The following GPR162 variants were observed in gnomAD, a reference collection of about 807,000 sequenced individuals.
GPR162 encodes the protein G protein-coupled receptor 162, also known as probable G protein-coupled receptor 162.
In GPR162, 26 loss-of-function variants were observed where a neutral mutation model predicts 44.9. The observed-to-expected ratio is 0.58, with a 90% CI of 0.42 to 0.80. GPR162 has a LOEUF of 0.80. Ranked by LOEUF, GPR162 falls within the 30% of genes least tolerant of loss-of-function variation. The pLI is 0.00. For synonymous variants in GPR162, 363 were observed against 335.2 expected, an observed-to-expected ratio of 1.08 and a Z score of -0.91; for missense variants, 704 against 802.3, an observed-to-expected ratio of 0.88 and a Z score of 1.48.
chr12:6,826,738 C>A lies in GPR162; in HGVS notation c.1301C>A (p.Ser434Ter). The change falls in exon 5 of 5, where the codon TCA becomes TAA. Residue 434 changes from serine to a stop codon, truncating the protein, a stop_gained. Coordinates refer to ENST00000311268, the MANE Select transcript of GPR162 (RefSeq NM_019858.2). LOFTEE classifies it high-confidence loss of function. ...REPGSFLHKW[S>*]SSDDIRVLPA... ...CCAGGCTCCTTCCTGCACAAGTGGT[C>A]ATCCTCTGATGACATCCGGGTCCTC... The A allele has an allele frequency of 6.3e-7, 1 of 1,590,198 alleles. No individual in the cohort carries two copies. The highest frequency in any genetic ancestry group is 1.1e-5 in the South Asian group (1 of 87,634).
Position 6,824,307 on chromosome 12 carries a change from G to A in GPR162, c.409G>A (p.Ala137Thr). 6.2e-7 allele frequency: 1 copy of A among 1,614,054 alleles called. No homozygotes were observed. Among genetic ancestry groups the A allele is most frequent in the Non-Finnish European group, 8.5e-7 (1 of 1,179,960 alleles). ...CAACGCCAAGAAGCAGGCACTGCAT[G>A]CCGTCATGGGCATCTGGATGGTCAG... Reference protein sequence around the residue: ...LSNAKKQALHAVMGIWMVSFI... With the variant: ...LSNAKKQALHTVMGIWMVSFI... The change falls in exon 2 of 5, where the codon GCC becomes ACC. Residue 137 changes from alanine to threonine, a missense_variant. Coordinates refer to ENST00000311268, the MANE Select transcript of GPR162 (RefSeq NM_019858.2).
At chr12:6,825,743 G>C in intron 3 of GPR162, 70 bp downstream of exon 3, 2 of 1,363,728 alleles carry the variant, frequency 1.5e-6, no homozygotes, top group Non-Finnish European at 2.0e-6. Flanking sequence ...CTCCTTCTCA[G>C]CCAGAGGATG....
At chr12:6,824,829 C>G in intron 2 of GPR162, 64 bp downstream of exon 2, 2 of 1,314,506 alleles carry the variant, frequency 1.5e-6, no homozygotes, top group South Asian at 1.2e-5. Flanking sequence ...ATCACCTGAC[C>G]TCCAACTTCA....
rs1943329379 is a variant in GPR162, at chr12:6,824,721, G to A, written c.823G>A (p.Ala275Thr). 6.2e-7 allele frequency: 1 copy of A among 1,613,816 alleles called. No individual in the cohort carries two copies. Among genetic ancestry groups the A allele is most frequent in the Non-Finnish European group, 8.5e-7 (1 of 1,180,002 alleles). The stretch of plus-strand genomic sequence containing the variant: ...CCTGCAGGTCACCAACTTGGTCAGC[G>A]CCATCGTCTTTCTCTATGACTCACT... ...TSLQVTNLVS[A>T]IVFLYDSLTG... The change falls in exon 2 of 5, where the codon GCC becomes ACC. Residue 275 changes from alanine to threonine, a missense_variant. Physicochemically the swap from Ala to Thr is moderately conservative, Grantham distance 58 (BLOSUM62 0). Coordinates refer to ENST00000311268, the MANE Select transcript of GPR162 (RefSeq NM_019858.2).
chr12:6,826,941 C>A lies in GPR162; in HGVS notation c.1504C>A (p.Arg502=), dbSNP rs782687439. The A allele has an allele frequency of 6.2e-7, 1 of 1,613,316 alleles. No homozygotes were observed. The highest frequency in any genetic ancestry group is 1.3e-5 in the African/African-American group (1 of 75,048). Residue 502 remains arginine (R), a synonymous_variant, in exon 5 of 5, where the codon CGG becomes AGG. Coordinates refer to ENST00000311268, the MANE Select transcript of GPR162 (RefSeq NM_019858.2). The part of the protein sequence containing the change: ...GGPPRGPGFF[R]EEITTFIDET... Reference sequence around the variant, plus strand: ...ACCCCCACGGGGTCCTGGCTTCTTCCGGGAGGAGATCACCACCTTCATCGA... The same window carrying A: ...ACCCCCACGGGGTCCTGGCTTCTTCAGGGAGGAGATCACCACCTTCATCGA...
intron 3 of GPR162, among the ~76,000 whole-genome samples, 158 bp downstream of exon 3, chr12:6,825,831 G>T (rs1555119961): frequency 6.6e-6 from 1 of 152,148 alleles, no homozygotes; most frequent in Non-Finnish European, 1.5e-5. Flanking sequence ...GCACCCTGCT[G>T]TCCACTCACT....
At chr12:6,823,279 T>G (rs781964543) in intron 1 of GPR162, among the ~76,000 whole-genome samples, 189 bp from the exon 2 acceptor site, 15 of 151,950 alleles carry the variant, frequency 9.9e-5, no homozygotes. Flanking sequence ...TCTGGAAGAG[T>G]GCGGCTCTCA....
At chr12:6,825,455 T>G (rs1943341679) in intron 2 of GPR162, 29 bp from the exon 3 acceptor site, 1 of 1,532,094 alleles carries the variant, frequency 6.5e-7, no homozygotes, top group African/African-American at 1.4e-5. Flanking sequence ...GCTCTGGCCC[T>G]GACCCAGCCC....
chr12:6,825,055 T>C (rs1555119808), intron 2 of GPR162: 10 of 626,932 alleles, frequency 1.6e-5, no homozygotes, highest in Non-Finnish European at 5.9e-6. Flanking sequence ...AGCTCCGTCA[T>C]CCATCCTGCA....
At position 6,822,052 on chromosome 12, in the gene GPR162, C is replaced by T. The variant is rs945914023; in HGVS notation, c.-432+152C>T. Reference sequence around the variant, plus strand: ...GGGACAGGAGGGAGGAGCCGCCTGACCTTACCCCTTCACCCCAAAGGGCGA... The same window carrying T: ...GGGACAGGAGGGAGGAGCCGCCTGATCTTACCCCTTCACCCCAAAGGGCGA... On this transcript the variant is annotated intron_variant, in intron 1 of 4. Transcript: ENST00000311268. This position sits in a 1 kb window ranked among gnomAD's most constrained non-coding sequence, Gnocchi z 4.2. 6.6e-6 allele frequency among the ~76,000 whole-genome samples: 1 copy of T among 152,172 alleles called. No homozygotes were observed. Among genetic ancestry groups the T allele is most frequent in the South Asian group, 2.1e-4 (1 of 4,830 alleles).
intron 4 of GPR162, 113 bp from the exon 5 acceptor site, chr12:6,826,540 G>A: frequency 8.6e-7 from 1 of 1,160,382 alleles, no homozygotes; most frequent in East Asian, 2.4e-5. Context: ...GCCCACCGGA[G>A]CAAACGTTTT....
rs1943355402 is a variant in GPR162 at position 6,826,320 on chromosome 12, C to T, written c.1182C>T (p.Leu394=). The T allele has an allele frequency of 1.2e-6, 2 of 1,613,568 alleles. No individual in the cohort carries two copies. Among genetic ancestry groups the T allele is most frequent in the Admixed American group, 1.7e-5 (1 of 60,000 alleles). ...AGCTGCTGCCTGGAAGGCACATGCT[C>T]TTCCCTCCTCTTGAGAGAGTCCACT... The part of the protein sequence containing the change: ...QVKLLPGRHM[L]FPPLERVHYL... Residue 394 remains leucine, a synonymous_variant, in exon 4 of 5, where the codon CTC becomes CTT. Transcript: ENST00000311268.
Position 6,826,776 on chromosome 12 carries a change from C to T in GPR162, c.1339C>T (p.Arg447Trp), listed in dbSNP as rs782490981. 51 of 1,608,726 alleles carry T rather than the reference C, an allele frequency of 3.2e-5. No individual in the cohort carries two copies. The highest frequency in any genetic ancestry group is 5.5e-5 in the South Asian group (5 of 90,352). ...DDIRVLPAQS[R>W]ALGGPPEYLG... The stretch of plus-strand genomic sequence containing the variant: ...CATCCGGGTCCTCCCAGCCCAGAGC[C>T]GGGCCCTCGGGGGTCCTCCTGAGTA... The change falls in exon 5 of 5, where the codon CGG (arginine) becomes TGG (tryptophan). Residue 447 changes from arginine to tryptophan, a missense_variant. Transcript: ENST00000311268.
Position 6,825,548 on chromosome 12 carries a change from GGT to G in GPR162, c.934_935del (p.Cys312LeufsTer35). On this transcript the variant is annotated frameshift_variant, in exon 3 of 5. Coordinates refer to ENST00000311268, the MANE Select transcript of GPR162 (RefSeq NM_019858.2). LOFTEE classifies it high-confidence loss of function. ...CCCTGGATGGTGCTGGCTGTGCTGT[GGT>G]GCTCCATGGCACAGACGCTGCTGCT... 6.2e-7 allele frequency: 1 copy of G among 1,611,650 alleles called. No homozygotes were observed. The highest frequency in any genetic ancestry group is 8.5e-7 in the Non-Finnish European group (1 of 1,179,064).
Position 6,827,210 on chromosome 12 carries a change from A to C in GPR162, c.*6A>C, listed in dbSNP as rs1020057874. 4 of 1,594,450 alleles carry C rather than the reference A, an allele frequency of 2.5e-6. No homozygotes were observed. Among genetic ancestry groups the C allele is most frequent in the Non-Finnish European group, 3.4e-6 (4 of 1,169,908 alleles). On this transcript the variant is annotated 3_prime_UTR_variant, in exon 5 of 5. Transcript: ENST00000311268. ...TTCCCCAGCTGACCCTGTGAGCCCAAGCAGGCCTGCTGAACTCAGAGGAGA... is the reference window on the plus strand; with the variant it reads ...TTCCCCAGCTGACCCTGTGAGCCCACGCAGGCCTGCTGAACTCAGAGGAGA...
At position 6,826,276 on chromosome 12, in the gene GPR162, C is replaced by T. The variant is rs141534197; in HGVS notation, c.1138C>T (p.Arg380Trp). ...DANGATGPGS[R>W]DPAQVKLLPG... is the part of the protein sequence containing the mutation. ...TAACGGAGCCACAGGACCAGGGAGC[C>T]GGGACCCCGCCCAGGTGAAGCTGCT... The change falls in exon 4 of 5, where the codon CGG becomes TGG. Residue 380 changes from arginine to tryptophan, a missense_variant. Arg to Trp is a moderately radical substitution (Grantham distance 101). Around this residue, in one of 6 missense-constraint regions of GPR162, gnomAD observed 404 missense variants for 314.1 expected, o/e 1.29. Transcript: ENST00000311268. 1.6e-4 allele frequency: 255 copies of T among 1,613,954 alleles called. No homozygotes were observed. Among genetic ancestry groups the T allele is most frequent in the African/African-American group, 1.3e-3 (101 of 75,026 alleles).
Position 6,826,226 on chromosome 12 carries a change from G to C in GPR162, c.1088G>C (p.Arg363Pro). 1.2e-6 allele frequency: 2 copies of C among 1,614,030 alleles called. No homozygotes were observed. Among genetic ancestry groups the C allele is most frequent in the Non-Finnish European group, 8.5e-7 (1 of 1,179,950 alleles). ...GGCTGTGACGACTATGCAGAGGGCCGAGTTTGCAAAGTTCGCTTTGATGCT... is the reference window on the plus strand; with the variant it reads ...GGCTGTGACGACTATGCAGAGGGCCCAGTTTGCAAAGTTCGCTTTGATGCT... ...DGGCDDYAEG[R>P]VCKVRFDANG... Residue 363 changes from arginine to proline, a missense_variant, in exon 4 of 5, where the codon CGA becomes CCA. Arg to Pro is a moderately radical substitution (Grantham distance 103, BLOSUM62 -2). Transcript: ENST00000311268.
chr12:6,823,659 C>A lies in GPR162; in HGVS notation c.-240C>A. 8.8e-7 allele frequency: 1 copy of A among 1,130,074 alleles called. No individual in the cohort carries two copies. The allele number at this position is 1,130,074 out of a possible 1,614,324, so 70.0% of individuals were successfully genotyped here. On this transcript the variant is annotated 5_prime_UTR_variant, in exon 2 of 5. Transcript: ENST00000311268. ...TTGCAGGGATGCTTAAGGAAGGCCCCGCCCAGTATGAAAGCTGAGGATTGC... is the reference window on the plus strand; with the variant it reads ...TTGCAGGGATGCTTAAGGAAGGCCCAGCCCAGTATGAAAGCTGAGGATTGC...
chr12:6,826,309 A>G lies in GPR162; in HGVS notation c.1171A>G (p.Arg391Gly), dbSNP rs1399169166. The change falls in exon 4 of 5, where the codon AGG becomes GGG. Residue 391 changes from arginine (R) to glycine (G), a missense_variant. Arg to Gly is a moderately radical substitution (Grantham distance 125). Around this residue, in one of 6 missense-constraint regions of GPR162, gnomAD observed 404 missense variants for 314.1 expected, o/e 1.29. Transcript: ENST00000311268. ...CGCCCAGGTGAAGCTGCTGCCTGGA[A>G]GGCACATGCTCTTCCCTCCTCTTGA... ...DPAQVKLLPG[R>G]HMLFPPLERV... The G allele has an allele frequency of 6.2e-7, 1 of 1,613,734 alleles. No individual in the cohort carries two copies. Among genetic ancestry groups the G allele is most frequent in the Non-Finnish European group, 8.5e-7 (1 of 1,179,970 alleles).
Sources: allele counts gnomAD v4.1 joint callset (sites outside exome capture counted in the v4.1 genomes callset), GRCh38; gene constraint gnomAD v4.1.1; regional missense constraint gnomAD v4.1.1; non-coding constraint Gnocchi (gnomAD v3.1); transcripts MANE v1.5; gene names NCBI Gene and HGNC (gene_info 2026-07-23, HGNC 2026-07-21).